The following GRID2 variants were observed in gnomAD, a reference collection of about 807,000 sequenced individuals.
The protein encoded by GRID2 is glutamate receptor ionotropic, delta-2.
In GRID2, 33 loss-of-function variants were observed where a neutral mutation model predicts 114.8. The ratio of observed to expected loss-of-function variants is 0.29; its 90% confidence interval spans 0.22 to 0.38. The LOEUF (loss-of-function observed/expected upper bound fraction) is 0.38. Among genes scored for constraint, GRID2 ranks in the 10% least tolerant of loss-of-function variants. The pLI, the probability that GRID2 is intolerant of heterozygous loss-of-function variation, is 1.00. For synonymous variants in GRID2, 505 were observed against 449.9 expected (o/e 1.12, Z -1.55); for missense variants, 1,184 against 1,257.7 (o/e 0.94, Z 0.89).
At chr4:92,622,712 A>G (rs1730331793) in intron 2 of GRID2, among the ~76,000 whole-genome samples, 1 of 151,660 alleles carries the variant, frequency 6.6e-6, no homozygotes, top group African/African-American at 2.4e-5. Flanking sequence ...TTAATGGTAA[A>G]GTGGAGAGTG....
At chr4:93,372,540 T>C (rs1763029364) in intron 8 of GRID2, among the ~76,000 whole-genome samples, 3 of 152,134 alleles carry the variant, frequency 2.0e-5, no homozygotes, top group Admixed American at 2.0e-4. Flanking sequence ...TTTTCTCTTT[T>C]TTCTGGGCCT....
chr4:92,428,341 C>A (rs1317910596), intron 1 of GRID2, among the ~76,000 whole-genome samples: 1 of 152,026 alleles, frequency 6.6e-6, no homozygotes, highest in African/African-American at 2.4e-5. Context: ...AAAGAATTTA[C>A]TGGAGGCATT....
At chr4:93,491,807 CA>C (rs1402983959) in intron 12 of GRID2, among the ~76,000 whole-genome samples, 2 of 151,412 alleles carry the variant, frequency 1.3e-5, no homozygotes, top group Non-Finnish European at 3.0e-5. Context: ...AGCATAATAC[CA>C]AAAAAGTTAA....
rs145148483 is a variant in GRID2 at position 92,544,530 on chromosome 4, C to T, written c.89-45601C>T. Among the ~76,000 whole-genome samples the T allele has an allele frequency of 1.3e-3, 191 of 152,150 alleles. 1 individual carries two copies. The highest frequency in any genetic ancestry group is 4.6e-3 in the African/African-American group (189 of 41,528). ...GCTCATTTCTCTTTTATATTATACT[C>T]AATGCTTTTAATTGATTTTTTGAAG... On this transcript the variant is annotated intron_variant, in intron 1 of 15. Coordinates refer to ENST00000282020, the MANE Select transcript of GRID2 (RefSeq NM_001510.4).
chr4:93,332,291 T>TGAGAGA (rs1439107466), intron 8 of GRID2, among the ~76,000 whole-genome samples: 96 of 107,340 alleles, frequency 8.9e-4, no homozygotes, highest in South Asian at 8.8e-3. Flanking sequence ...TGTGTGTGTG[T>TGAGAGA]GTGTGTGTGA....
chr4:92,697,699 A>G (rs1734486251), intron 2 of GRID2, among the ~76,000 whole-genome samples: 1 of 152,118 alleles, frequency 6.6e-6, no homozygotes, highest in Non-Finnish European at 1.5e-5. Flanking sequence ...GGAAAGGCAA[A>G]AAAATAGAAA....
intron 1 of GRID2, among the ~76,000 whole-genome samples, chr4:93,800,490 A>G (rs1228649826): frequency 6.6e-6 from 1 of 152,238 alleles, no homozygotes; most frequent in African/African-American, 2.4e-5. Flanking sequence ...AGAGAGACAG[A>G]AATACTTCTT....
intron 2 of GRID2, among the ~76,000 whole-genome samples, chr4:93,003,357 T>C (rs1721196553): frequency 6.6e-6 from 1 of 151,960 alleles, no homozygotes; most frequent in African/African-American, 2.4e-5. Flanking sequence ...TTAAACATTT[T>C]GATTTCTTTA....
intron 1 of GRID2, among the ~76,000 whole-genome samples, chr4:92,321,124 A>G (rs1278647854): frequency 2.6e-5 from 4 of 152,214 alleles, no homozygotes; most frequent in South Asian, 2.1e-4. Flanking sequence ...CTCTGAAAAC[A>G]TAATTAGCTA....
intron 2 of GRID2, among the ~76,000 whole-genome samples, chr4:92,935,645 A>G (rs868234328): frequency 6.8e-6 from 1 of 147,196 alleles, no homozygotes; most frequent in Non-Finnish European, 1.5e-5. Context: ...CAAATGTCCA[A>G]CAATGATAGA....
chr4:92,975,156 CAA>C lies in GRID2; in HGVS notation c.245-109819_245-109818del, dbSNP rs527770693. ...TGGGCGACAGAGTGAGATTCCGCCT[CAA>C]AAAAAAAAAAAAAAAAAAAGGTGTT... On this transcript the variant is annotated intron_variant, in intron 2 of 15. Coordinates refer to ENST00000282020, the MANE Select transcript of GRID2 (RefSeq NM_001510.4). Among the ~76,000 whole-genome samples the C allele has an allele frequency of 6.0e-4, 28 of 46,682 alleles. No homozygotes were observed. The South Asian group carries it at 6.4e-3, about 11-fold the overall frequency. The allele number at this position is 46,682 out of a possible 152,430, so 30.6% of individuals were successfully genotyped here.
At chr4:93,200,573 AC>A (rs1741988877) in intron 4 of GRID2, among the ~76,000 whole-genome samples, 1 of 145,100 alleles carries the variant, frequency 6.9e-6, no homozygotes, top group Admixed American at 6.7e-5. Context: ...CTCAAAACAA[AC>A]AAACAAACAA....
intron 2 of GRID2, chr4:92,702,566 A>C (rs1197880029): frequency 6.6e-6 from 1 of 152,106 alleles, no homozygotes; most frequent in Non-Finnish European, 1.5e-5. Context: ...CTATTGCTCC[A>C]ACCCTAGCCC....
intron 8 of GRID2, among the ~76,000 whole-genome samples, chr4:93,322,473 T>C (rs1403941545): frequency 6.6e-6 from 1 of 152,150 alleles, no homozygotes; most frequent in Non-Finnish European, 1.5e-5. Context: ...TGGTTCCAAG[T>C]CTTTGGTATT....
chr4:93,164,168 A>T lies in GRID2; in HGVS notation c.736-43236A>T, dbSNP rs137918064. On this transcript the variant is annotated intron_variant, in intron 4 of 15. Transcript: ENST00000282020. ...AACCAAGCCCGGGGGGGGAAAAAAA[A>T]GGTAATTTAGAAAAGAAAATAAACA... is the stretch of plus-strand genomic sequence containing the variant. Among the ~76,000 whole-genome samples, 310 of 152,080 alleles carry T rather than the reference A, an allele frequency of 2.0e-3. 2 individuals are homozygous for T. Among genetic ancestry groups the T allele is most frequent in the African/African-American group, 7.2e-3 (300 of 41,510 alleles).
At chr4:92,767,455 G>A (rs1008585717) in intron 2 of GRID2, among the ~76,000 whole-genome samples, 5 of 152,162 alleles carry the variant, frequency 3.3e-5, no homozygotes, top group African/African-American at 1.2e-4. Flanking sequence ...TAAACATGAT[G>A]TATAATAGTA....
At chr4:92,324,721 A>G (rs1001931064) in intron 1 of GRID2, among the ~76,000 whole-genome samples, 2 of 151,910 alleles carry the variant, frequency 1.3e-5, no homozygotes, top group Non-Finnish European at 2.9e-5. Flanking sequence ...TAACATCTCT[A>G]TGATTTATTC....
At chr4:93,353,774 G>A (rs867200694) in intron 8 of GRID2, among the ~76,000 whole-genome samples, 60 of 152,064 alleles carry the variant, frequency 3.9e-4, no homozygotes, top group African/African-American at 1.4e-3. Flanking sequence ...TGCTACTTGG[G>A]GCTGAGGATG....
intron 14 of GRID2, among the ~76,000 whole-genome samples, chr4:93,633,644 T>A (rs1441043050): frequency 6.6e-6 from 1 of 152,168 alleles, no homozygotes; most frequent in African/African-American, 2.4e-5. Flanking sequence ...CTTATCATAA[T>A]TATTTTTTCT....
Sources: allele counts gnomAD v4.1 joint callset (sites outside exome capture counted in the v4.1 genomes callset), GRCh38; gene constraint gnomAD v4.1.1; transcripts MANE v1.5; gene names NCBI Gene and HGNC (gene_info 2026-07-23, HGNC 2026-07-21).